NNMT: variants seen among roughly 807,000 people sequenced by gnomAD.
NNMT encodes the protein nicotinamide N-methyltransferase.
Under a neutral mutation model 11.7 loss-of-function variants are expected in NNMT, and 10 were observed. The observed-to-expected ratio is 0.85, with a 90% CI of 0.53 to 1.45. The LOEUF (loss-of-function observed/expected upper bound fraction) is 1.45. NNMT is among the 40% of genes most tolerant of loss of function. The pLI is 0.00. For missense variants in NNMT, 381 were observed against 319.4 expected, an observed-to-expected ratio of 1.19 and a Z score of -1.47; for synonymous variants, 143 against 133.8, an observed-to-expected ratio of 1.07 and a Z score of -0.48.
chr11:114,296,770 G>T lies in NNMT; in HGVS notation c.154+60G>T, dbSNP rs1565726104. 3.2e-6 allele frequency: 5 copies of T among 1,541,704 alleles called. No homozygotes were observed. The African/African-American group carries it at 6.8e-5, about 21-fold the overall frequency. On this transcript the variant is annotated intron_variant, in intron 1 of 2. Transcript: ENST00000299964. ...TGAGTCATATAGATGGAGTCTCAGG[G>T]CACGACTGGGTTTTGTGTCTCTCGT... is the stretch of plus-strand genomic sequence containing the variant.
rs148515327 is a variant in NNMT at position 114,260,557 on chromosome 11, G to A, written c.-216-2291G>A. On this transcript the variant is annotated intron_variant, in intron 1 of 4. Transcript: ENST00000535401. Reference sequence around the variant, plus strand: ...TGTCTGGGGAGAGGAGGCCCGCTCCGGGCTCCGGTGTGGTCAAGCCCTGCT... The same window carrying A: ...TGTCTGGGGAGAGGAGGCCCGCTCCAGGCTCCGGTGTGGTCAAGCCCTGCT... 6.3e-3 allele frequency among the ~76,000 whole-genome samples: 963 copies of A among 152,258 alleles called. 9 individuals carry two copies. The highest frequency in any genetic ancestry group is 0.011 in the Admixed American group (165 of 15,298).
At chr11:114,293,264 T>A (rs1406094008), upstream of NNMT, among the ~76,000 whole-genome samples, 1 of 152,164 alleles carries the variant, frequency 6.6e-6, no homozygotes, top group African/African-American at 2.4e-5. Context: ...GATACAACAG[T>A]TGCAATAATC....
Position 114,286,218 on chromosome 11 carries a change from T to C in NNMT, c.-129-10210T>C, listed in dbSNP as rs77452594. ...TATCAAGTAGACTTGATCTCTAAAT[T>C]TGTGCTTGTTTCGAGGGACTCTGCG... On this transcript the variant is annotated intron_variant, in intron 2 of 4. Coordinates refer to the NNMT transcript ENST00000535401. 3.8e-3 allele frequency among the ~76,000 whole-genome samples: 574 copies of C among 152,328 alleles called. 5 individuals are homozygous for C. The highest frequency in any genetic ancestry group is 0.013 in the African/African-American group (555 of 41,576).
At chr11:114,272,762 G>A (rs760062050) in intron 2 of NNMT, among the ~76,000 whole-genome samples, 1 of 152,152 alleles carries the variant, frequency 6.6e-6, no homozygotes, top group Non-Finnish European at 1.5e-5. Flanking sequence ...GGAAACAATG[G>A]TACTAGCCAG....
At chr11:114,308,310 G>A (rs1252179307) in intron 2 of NNMT, among the ~76,000 whole-genome samples, 1 of 152,142 alleles carries the variant, frequency 6.6e-6, no homozygotes, top group African/African-American at 2.4e-5. Context: ...TCTCAGGAGA[G>A]CCTGCAGGAA....
chr11:114,265,027 C>G (rs1313954685), intron 2 of NNMT, among the ~76,000 whole-genome samples: 1 of 152,158 alleles, frequency 6.6e-6, no homozygotes, highest in African/African-American at 2.4e-5. Context: ...GAAATCAACT[C>G]AACCTTCAGC....
chr11:114,292,056 G>A (rs1487886013), upstream of NNMT, among the ~76,000 whole-genome samples: 2 of 151,964 alleles, frequency 1.3e-5, no homozygotes, highest in South Asian at 2.1e-4. Flanking sequence ...CTCTATGCTC[G>A]ATGTCTCTTA....
chr11:114,305,464 C>T lies in NNMT; in HGVS notation c.363-6581C>T, dbSNP rs893147496. On this transcript the variant is annotated intron_variant, in intron 2 of 2. Transcript: ENST00000299964. Reference sequence around the variant, plus strand: ...GCTGCACCCATTAACTCGTCATTTACATTAGGTATATCTCCTAATGCTATC... The same window carrying T: ...GCTGCACCCATTAACTCGTCATTTATATTAGGTATATCTCCTAATGCTATC... 6.6e-5 allele frequency among the ~76,000 whole-genome samples: 10 copies of T among 152,092 alleles called. No individual in the cohort carries two copies. In the South Asian group the frequency reaches 1.0e-3, roughly 16 times the overall value.
At chr11:114,281,599 C>T (rs751452052) in intron 2 of NNMT, among the ~76,000 whole-genome samples, 3 of 152,162 alleles carry the variant, frequency 2.0e-5, no homozygotes, top group African/African-American at 4.8e-5. Context: ...CAAGACACAA[C>T]ATGAGAGGGA....
rs1311919888 is a variant in NNMT at position 114,305,693 on chromosome 11, G to C, written c.363-6352G>C. Among the ~76,000 whole-genome samples, 6 of 152,040 alleles carry C rather than the reference G, an allele frequency of 3.9e-5. No homozygotes were observed. The South Asian group carries it at 1.2e-3, about 32-fold the overall frequency. On this transcript the variant is annotated intron_variant, in intron 2 of 2. Coordinates refer to ENST00000299964, the MANE Select transcript of NNMT (RefSeq NM_006169.3). ...GGACATGAACTCATCATTTTTTATG[G>C]CTGCATAGTATTCCATGGTGTATAT...
intron 2 of NNMT, among the ~76,000 whole-genome samples, chr11:114,303,462 T>A (rs1945458522): frequency 6.6e-6 from 1 of 152,226 alleles, no homozygotes; most frequent in Non-Finnish European, 1.5e-5. Context: ...TGGTTTGTAA[T>A]CAAATTTAGA....
rs200416366 is a variant in NNMT, at chr11:114,259,234, C to T, written c.-217+1356C>T. On this transcript the variant is annotated intron_variant, in intron 1 of 4. Transcript: ENST00000535401. ...GAGGGAAACAGAGAGGTAATTAGCA[C>T]TCCAGGGCTCATGTTGCAGTTGTCA... is the stretch of plus-strand genomic sequence containing the variant. 3.9e-5 allele frequency among the ~76,000 whole-genome samples: 6 copies of T among 152,246 alleles called. No individual in the cohort carries two copies. In the East Asian group the frequency reaches 1.2e-3, roughly 29 times the overall value.
intron 2 of NNMT, among the ~76,000 whole-genome samples, chr11:114,287,477 G>C (rs2135262307): frequency 6.6e-6 from 1 of 152,170 alleles, no homozygotes; most frequent in Non-Finnish European, 1.5e-5. Flanking sequence ...AATTATCTTA[G>C]CACTATTTAT....
chr11:114,267,520 C>A (rs1945131253), intron 2 of NNMT, among the ~76,000 whole-genome samples: 1 of 151,906 alleles, frequency 6.6e-6, no homozygotes, highest in African/African-American at 2.4e-5. Context: ...CGTATTAGTT[C>A]GTTGTTAAAA....
chr11:114,310,544 T>C (rs1945539895), intron 2 of NNMT, among the ~76,000 whole-genome samples: 1 of 152,258 alleles, frequency 6.6e-6, no homozygotes, highest in African/African-American at 2.4e-5. Context: ...TGACTTTTCC[T>C]CATAACTGGA....
chr11:114,275,124 C>T (rs1945205135), intron 2 of NNMT, among the ~76,000 whole-genome samples: 1 of 152,124 alleles, frequency 6.6e-6, no homozygotes, highest in African/African-American at 2.4e-5. Flanking sequence ...CTTCATTTTG[C>T]TTAAGACAAT....
chr11:114,307,696 T>A (rs1591839846), intron 2 of NNMT, among the ~76,000 whole-genome samples: 1 of 152,018 alleles, frequency 6.6e-6, no homozygotes, highest in South Asian at 2.1e-4. Context: ...TTCCCCACAA[T>A]CCAGCCACGT....
At chr11:114,311,974 C>A in intron 2 of NNMT, 71 bp from the exon 3 acceptor site, 1 of 1,485,092 alleles carries the variant, frequency 6.7e-7, no homozygotes, top group Non-Finnish European at 9.1e-7. Context: ...CCATTTTTAG[C>A]CTTGACCCAA....
chr11:114,274,942 G>A (rs1402126810), intron 2 of NNMT, among the ~76,000 whole-genome samples: 1 of 152,154 alleles, frequency 6.6e-6, no homozygotes, highest in Non-Finnish European at 1.5e-5. Flanking sequence ...GAAGGCCATC[G>A]CTGGGATTGG....
Sources: allele counts gnomAD v4.1 joint callset (sites outside exome capture counted in the v4.1 genomes callset), GRCh38; gene constraint gnomAD v4.1.1; transcripts MANE v1.5; gene names NCBI Gene and HGNC (gene_info 2026-07-23, HGNC 2026-07-21).